CDH2: variants seen among roughly 807,000 people sequenced by gnomAD.
The protein encoded by CDH2 is cadherin-2.
Under a neutral mutation model 92.0 loss-of-function variants are expected in CDH2, and 17 were observed. The observed-to-expected ratio is 0.18, with a 90% CI of 0.13 to 0.28. CDH2 has a LOEUF of 0.28. Ranked by LOEUF, CDH2 falls within the 10% of genes least tolerant of loss-of-function variation. The probability of loss-of-function intolerance (pLI) is 1.00; values close to 1 mark genes in which losing one functional copy is unlikely to be tolerated. For missense variants in CDH2, 862 were observed against 1,133.1 expected (o/e 0.76, Z 3.44); for synonymous variants, 419 against 415.9 (o/e 1.01, Z -0.09).
chr18:28,044,159 C>T (rs933119622), intron 2 of CDH2, among the ~76,000 whole-genome samples: 7 of 151,896 alleles, frequency 4.6e-5, no homozygotes, highest in Admixed American at 2.6e-4. Context: ...GTGATCCACC[C>T]GCCTCAGCCT....
At chr18:27,947,187 A>T (rs12965142), downstream of CDH2, among the ~76,000 whole-genome samples, 1 of 151,840 alleles carries the variant, frequency 6.6e-6, no homozygotes, top group Non-Finnish European at 1.5e-5. Flanking sequence ...AAAGTAATAC[A>T]ACAGTAAAAT....
chr18:28,064,677 AC>A, intron 2 of CDH2, among the ~76,000 whole-genome samples: 1 of 151,788 alleles, frequency 6.6e-6, no homozygotes, highest in Non-Finnish European at 1.5e-5. Context: ...AAAAAAAAAA[AC>A]AACTGGAGCC....
At chr18:28,144,019 G>C (rs940893569) in intron 2 of CDH2, among the ~76,000 whole-genome samples, 2 of 151,908 alleles carry the variant, frequency 1.3e-5, no homozygotes, top group Non-Finnish European at 2.9e-5. Context: ...CAAGGGGAGG[G>C]AGAGTATTAG....
chr18:28,059,084 T>C (rs767090424), intron 2 of CDH2, among the ~76,000 whole-genome samples: 25 of 152,122 alleles, frequency 1.6e-4, no homozygotes, highest in Non-Finnish European at 3.1e-4. Flanking sequence ...CTCCTGAGAG[T>C]CATAATGGCA....
chr18:28,063,578 A>G (rs556003944), intron 2 of CDH2, among the ~76,000 whole-genome samples: 1 of 152,318 alleles, frequency 6.6e-6, no homozygotes, highest in South Asian at 2.1e-4. Context: ...ACATCCTAAT[A>G]AAAACTTTTC....
intron 10 of CDH2, among the ~76,000 whole-genome samples, chr18:27,989,768 T>C (rs764021214): frequency 2.6e-5 from 4 of 152,176 alleles, no homozygotes; most frequent in African/African-American, 2.4e-5. Context: ...CTCTGAAAGT[T>C]CCCTGCGGAA....
chr18:28,031,487 C>T (rs1007082881), intron 2 of CDH2, among the ~76,000 whole-genome samples: 1 of 152,084 alleles, frequency 6.6e-6, no homozygotes, highest in Admixed American at 6.6e-5. Flanking sequence ...CAAAAGGTTC[C>T]TACTACACAC....
intron 2 of CDH2, among the ~76,000 whole-genome samples, chr18:28,027,080 C>A (rs2013573051): frequency 6.6e-6 from 1 of 152,064 alleles, no homozygotes; most frequent in Non-Finnish European, 1.5e-5. Context: ...GATGAGTGAA[C>A]CACCCCCATG....
At chr18:27,994,928 T>G (rs1236086904) in intron 7 of CDH2, among the ~76,000 whole-genome samples, 1 of 152,196 alleles carries the variant, frequency 6.6e-6, no homozygotes, top group Non-Finnish European at 1.5e-5. Context: ...TGTTACACTA[T>G]TTTGAATTAA....
intron 15 of CDH2, among the ~76,000 whole-genome samples, chr18:27,957,916 T>C (rs2011292479): frequency 6.6e-6 from 1 of 152,212 alleles, no homozygotes; most frequent in Non-Finnish European, 1.5e-5. Flanking sequence ...TTTTAATTGT[T>C]TTCTTACAAT....
In CDH2 at chr18:28,016,614, T is replaced by C. The variant is rs142265960; in HGVS notation, c.173-2705A>G. Among the ~76,000 whole-genome samples, 356 of 152,298 alleles carry C rather than the reference T, an allele frequency of 2.3e-3. 2 individuals are homozygous for C. The highest frequency in any genetic ancestry group is 8.0e-3 in the African/African-American group (332 of 41,578). ...CCTGAGGTGGGAATCATTGTTTCTG[T>C]TCTGCAGATGAGGATGAAAACTTCA... On this transcript the variant is annotated intron_variant, in intron 2 of 15. Transcript: ENST00000269141.
At chr18:28,103,197 TTA>T (rs894555706) in intron 2 of CDH2, among the ~76,000 whole-genome samples, 1 of 144,590 alleles carries the variant, frequency 6.9e-6, no homozygotes, top group African/African-American at 2.5e-5. Context: ...AAAAACTCCT[TTA>T]TATATATATA....
At chr18:27,974,293 AAAG>A (rs2011753574) in intron 14 of CDH2, among the ~76,000 whole-genome samples, 1 of 152,230 alleles carries the variant, frequency 6.6e-6, no homozygotes, top group South Asian at 2.1e-4. Context: ...GGTCTGGTAC[AAAG>A]AATAAAAATA....
At chr18:27,974,655 A>G (rs1280002982) in intron 14 of CDH2, among the ~76,000 whole-genome samples, 2 of 152,176 alleles carry the variant, frequency 1.3e-5, no homozygotes, top group Non-Finnish European at 2.9e-5. Context: ...TCCCAATACA[A>G]TAGTATTAAG....
chr18:28,119,687 G>A (rs534678180), intron 2 of CDH2, among the ~76,000 whole-genome samples: 5 of 152,026 alleles, frequency 3.3e-5, no homozygotes, highest in African/African-American at 9.6e-5. Flanking sequence ...ATTCATTCTC[G>A]TCTTCTCCCA....
chr18:27,974,111 CTCT>C (rs1166215968), intron 14 of CDH2, among the ~76,000 whole-genome samples: 2 of 152,214 alleles, frequency 1.3e-5, no homozygotes, highest in Non-Finnish European at 2.9e-5. Flanking sequence ...ACTTCTCTCT[CTCT>C]TTTTTTCTCT....
downstream of CDH2, among the ~76,000 whole-genome samples, chr18:27,950,490 GT>G (rs1598980669): frequency 1.3e-5 from 2 of 152,072 alleles, no homozygotes; most frequent in Admixed American, 6.6e-5. Context: ...AAATCTAAGT[GT>G]GTTTCACTAA....
intron 1 of CDH2, 111 bp downstream of exon 1, chr18:28,176,852 C>T (rs1308922449): frequency 2.2e-6 from 1 of 452,824 alleles, no homozygotes; most frequent in Non-Finnish European, 2.9e-6. Context: ...CGGCGTGGCA[C>T]CTCCCTTCCC....
intron 2 of CDH2, among the ~76,000 whole-genome samples, chr18:28,043,309 G>A (rs2013986030): frequency 6.6e-6 from 1 of 151,340 alleles, no homozygotes; most frequent in East Asian, 1.9e-4. Flanking sequence ...CACGGGGAAG[G>A]GTGGGAGGCG....
Sources: gnomAD v4.1 joint callset for allele counts (sites outside exome capture counted in the v4.1 genomes callset) on GRCh38, gnomAD v4.1.1 for gene constraint, MANE v1.5 for transcripts, NCBI Gene and HGNC (gene_info 2026-07-23, HGNC 2026-07-21) for gene names.